Variants in SPATA13 observed in about 807,000 individuals in gnomAD.
SPATA13 encodes spermatogenesis-associated protein 13.
SPATA13 carries 50 observed loss-of-function variants against 104.0 expected under a neutral mutation model. The ratio of observed to expected loss-of-function variants is 0.48; its 90% CI spans 0.38 to 0.61. The LOEUF (loss-of-function observed/expected upper bound fraction) is 0.61. SPATA13 is among the 20% of genes least tolerant of loss of function. The probability of loss-of-function intolerance (pLI) is 0.00; values close to 1 mark genes in which losing one functional copy is unlikely to be tolerated. For synonymous variants in SPATA13, 606 were observed against 667.5 expected, an observed-to-expected ratio of 0.91 and a Z score of 1.42; for missense variants, 1,524 against 1,690.6, an observed-to-expected ratio of 0.90 and a Z score of 1.73.
intron 1 of SPATA13, among the ~76,000 whole-genome samples, chr13:24,206,665 G>A (rs1201013953): frequency 6.6e-6 from 1 of 152,160 alleles, no homozygotes; most frequent in East Asian, 1.9e-4. Context: ...GCCGAGGTGG[G>A]TGGATCACCT....
chr13:24,222,925 TGG>T lies in SPATA13; in HGVS notation c.-4_-3del. The T allele has an allele frequency of 6.4e-7, 1 of 1,550,788 alleles. No individual in the cohort carries two copies. The highest frequency in any genetic ancestry group is 8.7e-7 in the Non-Finnish European group (1 of 1,146,556). ...CGGTCTGCGGACTCGGCAGTGCCCG[TGG>T]CCATGACCCAGGCTGCCGTGCGGCC... On this transcript the variant is annotated 5_prime_UTR_variant, in exon 2 of 13. Transcript: ENST00000382108.
chr13:24,267,457 T>G (rs752958432), intron 4 of SPATA13, among the ~76,000 whole-genome samples: 2 of 152,238 alleles, frequency 1.3e-5, no homozygotes, highest in Non-Finnish European at 2.9e-5. Context: ...TCTAGTGCCC[T>G]GACCCCGTCT....
At chr13:24,133,279 C>G (rs996564561) in intron 3 of SPATA13, among the ~76,000 whole-genome samples, 1 of 152,172 alleles carries the variant, frequency 6.6e-6, no homozygotes, top group Non-Finnish European at 1.5e-5. Flanking sequence ...ACACTAAGTA[C>G]TTAGCCCAGT....
intron 7 of SPATA13, among the ~76,000 whole-genome samples, chr13:24,288,401 T>G (rs1169129784): frequency 6.6e-6 from 1 of 152,262 alleles, no homozygotes; most frequent in African/African-American, 2.4e-5. Context: ...CTTTTTGAGT[T>G]AGCTGTTACA....
intron 2 of SPATA13, among the ~76,000 whole-genome samples, chr13:23,987,097 A>C (rs1166015939): frequency 2.6e-5 from 4 of 151,456 alleles, no homozygotes; most frequent in African/African-American, 4.9e-5. Context: ...ATTTTAAATG[A>C]ACTAGAGGAT....
chr13:23,999,168 C>G (rs1481025029), intron 2 of SPATA13, among the ~76,000 whole-genome samples: 1 of 151,976 alleles, frequency 6.6e-6, no homozygotes, highest in African/African-American at 2.4e-5. Flanking sequence ...TTCAAGTGAT[C>G]CACCTGCCTC....
At chr13:24,029,568 A>G (rs1389205047) in intron 3 of SPATA13, among the ~76,000 whole-genome samples, 1 of 152,238 alleles carries the variant, frequency 6.6e-6, no homozygotes, top group Admixed American at 6.5e-5. Context: ...AATATATATT[A>G]ACATATAGAC....
intron 1 of SPATA13, among the ~76,000 whole-genome samples, chr13:24,200,473 A>G (rs1421429416): frequency 1.3e-5 from 2 of 151,968 alleles, no homozygotes; most frequent in South Asian, 2.1e-4. Context: ...GTGAAATGCT[A>G]CCATTTTCCT....
Position 24,123,340 on chromosome 13 carries a change from T to C in SPATA13, c.-111-99479T>C. 4.4e-6 allele frequency: 6 copies of C among 1,356,164 alleles called. No homozygotes were observed. In the South Asian group the frequency reaches 7.0e-5, roughly 16 times the overall value. 84.0% of individuals were successfully genotyped at this position (1,356,164 alleles called of 1,614,324 possible). A position where few individuals can be genotyped will look rare whatever the true frequency, so the allele number is the denominator to read the frequency against. On this transcript the variant is annotated intron_variant, in intron 3 of 14. Coordinates refer to the SPATA13 transcript ENST00000424834. ...TGAAGGTTCTGATCACTTTCGAACT[T>C]CACTTCACAGAAATAGTGAATTACC...
At chr13:24,268,962 G>A (rs1874419960) in intron 4 of SPATA13, among the ~76,000 whole-genome samples, 1 of 152,106 alleles carries the variant, frequency 6.6e-6, no homozygotes, top group African/African-American at 2.4e-5. Context: ...AGAAGCCTAC[G>A]ATATAGTATA....
chr13:23,985,204 A>G (rs947173901), intron 2 of SPATA13, among the ~76,000 whole-genome samples: 3 of 152,178 alleles, frequency 2.0e-5, no homozygotes, highest in Non-Finnish European at 2.9e-5. Flanking sequence ...GTGGCTTGGA[A>G]ATTCAAACCA....
At chr13:24,163,918 C>T (rs1882614769) in intron 1 of SPATA13, among the ~76,000 whole-genome samples, 1 of 152,208 alleles carries the variant, frequency 6.6e-6, no homozygotes, top group Admixed American at 6.5e-5. Flanking sequence ...CTCATCAGTG[C>T]TTTCCTTTCT....
intron 3 of SPATA13, among the ~76,000 whole-genome samples, chr13:24,073,044 A>G (rs1879222162): frequency 1.3e-5 from 2 of 152,142 alleles, no homozygotes; most frequent in Admixed American, 6.5e-5. Flanking sequence ...AGATTTTCAT[A>G]GGGATCACCG....
intron 3 of SPATA13, among the ~76,000 whole-genome samples, chr13:24,030,807 C>G (rs1028834443): frequency 2.0e-5 from 3 of 152,174 alleles, no homozygotes; most frequent in Non-Finnish European, 4.4e-5. Flanking sequence ...AATCTCCAGT[C>G]TACCATATTG....
At chr13:24,265,705 A>G (rs556451386) in intron 4 of SPATA13, among the ~76,000 whole-genome samples, 9 of 152,138 alleles carry the variant, frequency 5.9e-5, no homozygotes, top group African/African-American at 1.7e-4. Flanking sequence ...GCTGATGGCC[A>G]TGCTTTCCCA....
At chr13:24,261,676 G>T (rs7990442) in intron 4 of SPATA13, among the ~76,000 whole-genome samples, 1,819 of 152,244 alleles carry the variant, frequency 0.012, 41 homozygotes, top group African/African-American at 0.042. Flanking sequence ...GGAAGCCAGG[G>T]CTTCCAGGTG....
At chr13:24,173,787 G>A (rs1266429730) in intron 1 of SPATA13, among the ~76,000 whole-genome samples, 2 of 152,060 alleles carry the variant, frequency 1.3e-5, no homozygotes, top group Non-Finnish European at 2.9e-5. Flanking sequence ...TACTGAATCA[G>A]TCTTGGATCC....
chr13:24,095,193 G>A (rs1244158970), intron 3 of SPATA13, among the ~76,000 whole-genome samples: 1 of 152,104 alleles, frequency 6.6e-6, no homozygotes, highest in Non-Finnish European at 1.5e-5. Context: ...ACAAAATGTG[G>A]TACACATAGG....
At chr13:24,232,632 C>A (rs1351644738) in intron 2 of SPATA13, among the ~76,000 whole-genome samples, 6 of 152,206 alleles carry the variant, frequency 3.9e-5, no homozygotes, top group African/African-American at 1.4e-4. Context: ...GCCTCAACCT[C>A]CCAAGGTCAA....
Sources: gnomAD v4.1 joint callset for allele counts (sites outside exome capture counted in the v4.1 genomes callset) on GRCh38, gnomAD v4.1.1 for gene constraint, MANE v1.5 for transcripts, NCBI Gene and HGNC (gene_info 2026-07-23, HGNC 2026-07-21) for gene names.